The following POLR1A variants were observed in gnomAD, a reference collection of about 807,000 sequenced individuals.
POLR1A encodes the protein DNA-directed RNA polymerase I subunit RPA1.
In POLR1A, 84 loss-of-function variants were observed where a neutral mutation model predicts 205.3. The ratio of observed to expected loss-of-function variants is 0.41; its 90% confidence interval spans 0.34 to 0.49. The LOEUF is 0.49. Among genes scored for constraint, POLR1A ranks in the 20% least tolerant of loss-of-function variants. POLR1A has a pLI of 0.22. For missense variants in POLR1A, 1,645 were observed against 2,204.5 expected (o/e 0.75, Z 5.08); for synonymous variants, 799 against 863.7 (o/e 0.93, Z 1.31).
At chr2:86,075,001 G>C (rs1219048700) in intron 12 of POLR1A, 29 bp downstream of exon 12, 1 of 1,484,334 alleles carries the variant, frequency 6.7e-7, no homozygotes, top group African/African-American at 1.4e-5. Context: ...GAGCCGGATG[G>C]GTCCCTGACC....
intron 14 of POLR1A, among the ~76,000 whole-genome samples, chr2:86,062,137 T>C (rs932100126): frequency 9.9e-5 from 15 of 152,224 alleles, no homozygotes; most frequent in Non-Finnish European, 5.9e-5. Flanking sequence ...CCTTATCTTC[T>C]GATTCTAAAC....
In POLR1A at chr2:86,028,744, G is replaced by A. The variant is rs757833153; in HGVS notation, c.4780-33C>T. The A allele has an allele frequency of 6.5e-7, 1 of 1,529,758 alleles. No individual in the cohort carries two copies. The highest frequency in any genetic ancestry group is 2.3e-5 in the East Asian group (1 of 44,250). 94.8% of individuals were successfully genotyped at this position (1,529,758 alleles called of 1,614,324 possible). On this transcript the variant is annotated intron_variant, in intron 31 of 33. Coordinates refer to ENST00000263857, the MANE Select transcript of POLR1A (RefSeq NM_015425.6). The surrounding 1 kb of genome is among the most constrained non-coding windows in gnomAD (Gnocchi z 4.5). ...GAGGAAGGAAGGGATTTATTTAGAGGGCCTGGCCTTCTGCTCCCTTCTGCC... is the reference window on the plus strand; with the variant it reads ...GAGGAAGGAAGGGATTTATTTAGAGAGCCTGGCCTTCTGCTCCCTTCTGCC...
At position 86,020,621 on chromosome 2, in the gene POLR1A, T is replaced by C. The variant is rs1001296372; in HGVS notation, c.*6802A>G. 1 of 152,014 alleles carries C rather than the reference T, an allele frequency of 6.6e-6. No homozygotes were observed. The highest frequency in any genetic ancestry group is 2.4e-5 in the African/African-American group (1 of 41,300). 9.4% of individuals were successfully genotyped at this position (152,014 alleles called of 1,614,324 possible). A position where few individuals can be genotyped will look rare whatever the true frequency, so the allele number is the denominator to read the frequency against. On this transcript the variant is annotated 3_prime_UTR_variant, in exon 34 of 34. Coordinates refer to ENST00000263857, the MANE Select transcript of POLR1A (RefSeq NM_015425.6). ...TGGCTAAAATGTAAATGATTCCACT[T>C]TGTAAAATAAACAATGTTAACCCGC...
rs914515833 is a variant in POLR1A at position 86,105,862 on chromosome 2, T to C, written c.-86A>G. 7.2e-6 allele frequency: 9 copies of C among 1,245,446 alleles called. No homozygotes were observed. Among genetic ancestry groups the C allele is most frequent in the South Asian group, 6.3e-5 (5 of 79,154 alleles). The allele number at this position is 1,245,446 out of a possible 1,614,324, so 77.1% of individuals were successfully genotyped here. A position where few individuals can be genotyped will look rare whatever the true frequency, so the allele number is the denominator to read the frequency against. ...TCTTAATTCAACCTCAAGCCCGGAG[T>C]CACCACGCGATTCAACGTGCGCTTG... On this transcript the variant is annotated 5_prime_UTR_variant, in exon 1 of 34. Coordinates refer to ENST00000263857, the MANE Select transcript of POLR1A (RefSeq NM_015425.6).
chr2:86,040,163 A>G, intron 25 of POLR1A: 1 of 398,648 alleles, frequency 2.5e-6, no homozygotes, highest in Admixed American at 4.2e-5. Context: ...ACGTGGATGC[A>G]GGAGTTGGCA....
In POLR1A at chr2:86,089,839, C is replaced by A; in HGVS notation, c.523G>T (p.Gly175Trp). ...TTEIVQNNLL[G>W]SQGAHVKNVC... ...TAACTCACATGTGCGCCCTGGGACC[C>A]CAGGAGGTTGTTCTGCACAATTTCA... is the stretch of plus-strand genomic sequence containing the variant. Residue 175 changes from glycine to tryptophan, a missense_variant, in exon 4 of 34, where the codon GGG becomes TGG. Transcript: ENST00000263857. The A allele has an allele frequency of 6.2e-7, 1 of 1,608,048 alleles. No homozygotes were observed. Among genetic ancestry groups the A allele is most frequent in the South Asian group, 1.1e-5 (1 of 90,932 alleles).
intron 14 of POLR1A, 47 bp from the exon 15 acceptor site, chr2:86,054,336 G>C: frequency 6.3e-7 from 1 of 1,595,616 alleles, no homozygotes; most frequent in Non-Finnish European, 8.6e-7. Context: ...AAAAGTGATG[G>C]CAAAATGAGG....
chr2:86,032,965 T>C (rs1672422973), intron 28 of POLR1A, among the ~76,000 whole-genome samples: 1 of 151,998 alleles, frequency 6.6e-6, no homozygotes, highest in South Asian at 2.1e-4. Context: ...GCCCCTCATT[T>C]TAGGGGTGAG....
In POLR1A at chr2:86,098,699, G is replaced by T; in HGVS notation, c.344C>A (p.Ala115Asp). ...LNCHMLTCPR[A>D]VIHLLLCQLR... ...CTGGCAGAGTAAGAGGTGAATCACGGCCCGGGGACAAGTCAGCATGTGGCA... is the reference window on the plus strand; with the variant it reads ...CTGGCAGAGTAAGAGGTGAATCACGTCCCGGGGACAAGTCAGCATGTGGCA... Residue 115 changes from alanine to aspartate, a missense_variant, in exon 3 of 34, where the codon GCC becomes GAC. Physicochemically the swap from Ala to Asp is moderately radical, Grantham distance 126 (BLOSUM62 -2). Transcript: ENST00000263857. 1 of 1,613,878 alleles carries T rather than the reference G, an allele frequency of 6.2e-7. No homozygotes were observed. The highest frequency in any genetic ancestry group is 8.5e-7 in the Non-Finnish European group (1 of 1,179,948).
In POLR1A at chr2:86,065,442, C is replaced by G; in HGVS notation, c.1890G>C (p.Leu630=). The G allele has an allele frequency of 1.2e-6, 2 of 1,613,242 alleles. No individual in the cohort carries two copies. The highest frequency in any genetic ancestry group is 1.7e-6 in the Non-Finnish European group (2 of 1,179,638). Residue 630 remains leucine (L), a synonymous_variant, in exon 14 of 34, where the codon CTG becomes CTC. Coordinates refer to ENST00000263857, the MANE Select transcript of POLR1A (RefSeq NM_015425.6). ...VPKDGQPLAG[L]IQDHMVSGAS... is the part of the protein sequence containing the mutation. ...CCCCTGAAACCATGTGATCCTGGAT[C>G]AGTCCCGCCAATGGTTGGCCATCCT...
intron 6 of POLR1A, among the ~76,000 whole-genome samples, chr2:86,087,538 T>C (rs965628087): frequency 6.6e-6 from 1 of 152,176 alleles, no homozygotes; most frequent in Non-Finnish European, 1.5e-5. Context: ...CAATTGCAGG[T>C]TGTGCTTTTT....
In POLR1A at chr2:86,081,646, T is replaced by C. The variant is rs200158753; in HGVS notation, c.878A>G (p.Asn293Ser). 192 of 1,612,354 alleles carry C rather than the reference T, an allele frequency of 1.2e-4. No individual in the cohort carries two copies. The African/African-American group carries it at 2.3e-3, about 20-fold the overall frequency. ...MDDDGMESRF[N>S]PSVFFLDFLV... ...GAAATCTAGAAAGAACACACTGGGA[T>C]TGAATCTGGATTCCATACCATCATC... The change falls in exon 8 of 34, where the codon AAT (asparagine) becomes AGT (serine). Residue 293 changes from asparagine to serine, a missense_variant. Asn to Ser is a conservative substitution (Grantham distance 46, BLOSUM62 1). Transcript: ENST00000263857.
intron 9 of POLR1A, 56 bp downstream of exon 9, chr2:86,080,758 TCA>T (rs1673385089): frequency 2.7e-6 from 4 of 1,470,504 alleles, no homozygotes; most frequent in Admixed American, 2.0e-5. Context: ...CATCCACAGC[TCA>T]CAGAGTTAGC....
At chr2:86,041,149 CTGTGTGTGTGTGTGTG>C (rs756415592) in intron 24 of POLR1A, among the ~76,000 whole-genome samples, 31 of 122,360 alleles carry the variant, frequency 2.5e-4, no homozygotes, top group Admixed American at 1.3e-3. Flanking sequence ...CTGAGCTACA[CTGTGTGTGTGTGTGTG>C]TGTGTGTGTG....
chr2:86,088,518 C>T (rs1673544187), intron 6 of POLR1A, 48 bp downstream of exon 6: 1 of 1,180,164 alleles, frequency 8.5e-7, no homozygotes, highest in African/African-American at 1.5e-5. Context: ...GTTTAGGACA[C>T]ATCTGCTGGC....
rs551738099 is a variant in POLR1A, at chr2:86,101,596, T to C, written c.78-1424A>G. ...ACCTGCAACCCTGAACTGGGTAACATTGAACAAATTACTTACCTTTTGTTC... is the reference window on the plus strand; with the variant it reads ...ACCTGCAACCCTGAACTGGGTAACACTGAACAAATTACTTACCTTTTGTTC... On this transcript the variant is annotated intron_variant, in intron 1 of 33. Transcript: ENST00000263857. Among the ~76,000 whole-genome samples the C allele has an allele frequency of 1.1e-4, 17 of 152,338 alleles. 1 individual carries two copies. Among genetic ancestry groups the C allele is most frequent in the East Asian group, 9.6e-4 (5 of 5,194 alleles).
rs571548491 is a variant in POLR1A, at chr2:86,081,379, G to C, written c.923+222C>G. ...CCACTGCACTCCAGCCTGGGAGACA[G>C]TGCAAGACTCCACTTCAAAACAAAC... is the stretch of plus-strand genomic sequence containing the variant. On this transcript the variant is annotated intron_variant, in intron 8 of 33. Transcript: ENST00000263857. 7.9e-5 allele frequency among the ~76,000 whole-genome samples: 12 copies of C among 152,240 alleles called. No individual in the cohort carries two copies. In the South Asian group the frequency reaches 2.5e-3, roughly 32 times the overall value.
At chr2:86,102,332 A>C (rs917761501) in intron 1 of POLR1A, among the ~76,000 whole-genome samples, 3 of 152,150 alleles carry the variant, frequency 2.0e-5, no homozygotes, top group Non-Finnish European at 2.9e-5. Context: ...GTAGCACCCT[A>C]CTGGATTTGA....
rs1218473961 is a variant in POLR1A, at chr2:86,026,981, G to A, written c.*442C>T. On this transcript the variant is annotated 3_prime_UTR_variant, in exon 34 of 34. Coordinates refer to ENST00000263857, the MANE Select transcript of POLR1A (RefSeq NM_015425.6). ...TCGGGAGCCCCCAGGAATCTTGTCT[G>A]TTGTCCCTGGCCACTCACAGCAAAA... 1.7e-5 allele frequency: 3 copies of A among 181,122 alleles called. No individual in the cohort carries two copies. In the East Asian group the frequency reaches 3.9e-4, roughly 23 times the overall value. The allele number at this position is 181,122 out of a possible 1,614,324, so 11.2% of individuals were successfully genotyped here.
Sources: allele counts gnomAD v4.1 joint callset (sites outside exome capture counted in the v4.1 genomes callset), GRCh38; gene constraint gnomAD v4.1.1; non-coding constraint Gnocchi (gnomAD v3.1); transcripts MANE v1.5; gene names NCBI Gene and HGNC (gene_info 2026-07-23, HGNC 2026-07-21).